Variants in CPT2 observed in about 807,000 individuals in gnomAD.
The protein encoded by CPT2 is carnitine palmitoyltransferase 2.
In CPT2, 37 loss-of-function variants were observed where a neutral mutation model predicts 48.6. That is an observed-to-expected ratio of 0.76 (90% CI 0.59 to 1.00). The LOEUF (loss-of-function observed/expected upper bound fraction) is 1.00, where lower values mean the gene tolerates loss of function less well. CPT2 is among the 50% of genes least tolerant of loss of function. The pLI, the probability that CPT2 is intolerant of heterozygous loss-of-function variation, is 0.00. For missense variants in CPT2, 772 were observed against 825.6 expected, an observed-to-expected ratio of 0.94 and a Z score of 0.80; for synonymous variants, 319 against 326.9, an observed-to-expected ratio of 0.98 and a Z score of 0.26.
chr1:53,211,022 A>AGAG lies in CPT2; in HGVS notation c.1353_1355dup (p.Gly452dup). On this transcript the variant is annotated inframe_insertion, in exon 4 of 5. Coordinates refer to ENST00000371486, the MANE Select transcript of CPT2 (RefSeq NM_000098.3). ...CACTATTGACTGCGTCCAGTTTCAG[A>AGAG]GAGGAGGCAAAGAATTCCTGAAGAA... is the stretch of plus-strand genomic sequence containing the variant. 1 of 1,614,182 alleles carries AGAG rather than the reference A, an allele frequency of 6.2e-7. No individual in the cohort carries two copies. The highest frequency in any genetic ancestry group is 8.5e-7 in the Non-Finnish European group (1 of 1,180,034).
At chr1:53,212,690 G>A (rs968219127) in intron 4 of CPT2, 21 of 401,826 alleles carry the variant, frequency 5.2e-5, no homozygotes, top group Non-Finnish European at 6.6e-5. Flanking sequence ...AGGACCTGGA[G>A]GGTCATAGTT....
At position 53,211,043 on chromosome 1, in the gene CPT2, A is replaced by G. The variant is rs756931329; in HGVS notation, c.1369A>G (p.Lys457Glu). 6.2e-7 allele frequency: 1 copy of G among 1,614,198 alleles called. No homozygotes were observed. Among genetic ancestry groups the G allele is most frequent in the Non-Finnish European group, 8.5e-7 (1 of 1,180,026 alleles). The change falls in exon 4 of 5, where the codon AAG becomes GAG. Residue 457 changes from lysine (K) to glutamate (E), a missense_variant. Coordinates refer to ENST00000371486, the MANE Select transcript of CPT2 (RefSeq NM_000098.3). ...TCAGAGAGGAGGCAAAGAATTCCTGAAGAAGCAAAAGCTGAGCCCTGACGC... is the reference window on the plus strand; with the variant it reads ...TCAGAGAGGAGGCAAAGAATTCCTGGAGAAGCAAAAGCTGAGCCCTGACGC... ...QFQRGGKEFL[K>E]KQKLSPDAVA...
chr1:53,200,916 GAACCTAGTTGTACATCTGC>G (rs1254367286), intron 2 of CPT2, 117 bp downstream of exon 2: 13 of 803,422 alleles, frequency 1.6e-5, no homozygotes, highest in Non-Finnish European at 2.6e-5. Context: ...CAGGAACCCA[GAACCTAGTTGTACATCTGC>G]AAGTTCAGGA....
Position 53,203,785 on chromosome 1 carries a change from T to C in CPT2, c.340+1356T>C, listed in dbSNP as rs1376310843. The C allele has an allele frequency of 6.6e-5, 10 of 151,320 alleles. No individual in the cohort carries two copies. The East Asian group carries it at 1.7e-3, about 26-fold the overall frequency. 9.4% of individuals were successfully genotyped at this position (151,320 alleles called of 1,614,324 possible). On this transcript the variant is annotated intron_variant, in intron 3 of 4. Transcript: ENST00000371486. ...ATTTCTTGGCTTTTTCTTTTTCTTT[T>C]TTTTTTTTTTTAAATCAGAGCACAT...
chr1:53,213,700 G>A lies in CPT2; in HGVS notation c.*105G>A, dbSNP rs1422874426. The A allele has an allele frequency of 1.1e-4, 115 of 1,060,978 alleles. 1 individual carries two copies. The highest frequency in any genetic ancestry group is 7.4e-4 in the South Asian group (55 of 74,292). 65.7% of individuals were successfully genotyped at this position (1,060,978 alleles called of 1,614,324 possible). On this transcript the variant is annotated 3_prime_UTR_variant, in exon 5 of 5. Coordinates refer to ENST00000371486, the MANE Select transcript of CPT2 (RefSeq NM_000098.3). ...TCCCAGCATTTTGAGAGGCTGAGGC[G>A]GGTGGATCACTTGAGGTCAGGAGTT...
At chr1:53,197,203 C>T (rs1174164447) in intron 1 of CPT2, 108 bp downstream of exon 1, 1 of 1,363,592 alleles carries the variant, frequency 7.3e-7, no homozygotes, top group Non-Finnish European at 1.0e-6. Context: ...CGCCCCCAAG[C>T]CCCTACCATG....
At chr1:53,203,018 A>T (rs1645364001) in intron 3 of CPT2, 1 of 157,950 alleles carries the variant, frequency 6.3e-6, no homozygotes, top group South Asian at 1.8e-4. Context: ...AATTTAGTTT[A>T]TATATTTACC....
In CPT2 at chr1:53,200,802, A is replaced by G; in HGVS notation, c.233+3A>G. ...CTCTTGAATGATGGCCAGTTCAGGT[A>G]AACACTGAGAACCTTGGGTGAGCAT... is the stretch of plus-strand genomic sequence containing the variant. On this transcript the variant is annotated splice_donor_region_variant and intron_variant, in intron 2 of 4. Transcript: ENST00000371486. 6.2e-7 allele frequency: 1 copy of G among 1,609,422 alleles called. No homozygotes were observed.
Position 53,211,308 on chromosome 1 carries a change from A to C in CPT2, c.1634A>C (p.Glu545Ala), listed in dbSNP as rs17848485. 8.7e-4 allele frequency: 1,390 copies of C among 1,605,740 alleles called. 4 individuals carry two copies. The highest frequency in any genetic ancestry group is 3.0e-3 in the East Asian group (131 of 44,360). ...AAGTACCATGGCCAGCTGACCAAAG[A>C]AGCAGCAATGGGTGAGGCAGGGGTG... ...CSKYHGQLTKEAAMGQGFDRH... is the reference protein window; with the variant it reads ...CSKYHGQLTKAAAMGQGFDRH... Residue 545 changes from glutamate (E) to alanine (A), a missense_variant, in exon 4 of 5, where the codon GAA (glutamate) becomes GCA (alanine). Transcript: ENST00000371486.
At chr1:53,204,888 A>G (rs1351658477) in intron 3 of CPT2, among the ~76,000 whole-genome samples, 7 of 152,122 alleles carry the variant, frequency 4.6e-5, no homozygotes, top group Non-Finnish European at 8.8e-5. Context: ...TGTGATTGTA[A>G]GTTTCCTGAG....
Position 53,210,925 on chromosome 1 carries a change from C to T in CPT2, c.1251C>T (p.Phe417=), listed in dbSNP as rs576822710. Residue 417 remains phenylalanine, a synonymous_variant, in exon 4 of 5, where the codon TTC becomes TTT. Coordinates refer to ENST00000371486, the MANE Select transcript of CPT2 (RefSeq NM_000098.3). Reference sequence around the variant, plus strand: ...CTGTCACGGTGCAGAAACTCAACTTCGAGCTGACTGATGCCTTAAAGACTG... The same window carrying T: ...CTGTCACGGTGCAGAAACTCAACTTTGAGCTGACTGATGCCTTAAAGACTG... ...DSTVTVQKLN[F]ELTDALKTGI... 36 of 1,614,156 alleles carry T rather than the reference C, an allele frequency of 2.2e-5. No individual in the cohort carries two copies. The highest frequency in any genetic ancestry group is 1.5e-4 in the Admixed American group (9 of 60,024).
chr1:53,196,986 G>C lies in CPT2; in HGVS notation c.43G>C (p.Ala15Pro). Residue 15 changes from alanine (A) to proline (P), a missense_variant, in exon 1 of 5, where the codon GCG (alanine) becomes CCG (proline). Coordinates refer to ENST00000371486, the MANE Select transcript of CPT2 (RefSeq NM_000098.3). ...GCTGCGCGCCTGGCCCCGGGGCCCC[G>C]CGGTTGGTCCGGGAGCCCCCAGTCG... ...LLLRAWPRGP[A>P]VGPGAPSRPL... The C allele has an allele frequency of 6.5e-7, 1 of 1,527,122 alleles. No homozygotes were observed. Among genetic ancestry groups the C allele is most frequent in the Non-Finnish European group, 8.7e-7 (1 of 1,143,212 alleles). 94.6% of individuals were successfully genotyped at this position (1,527,122 alleles called of 1,614,324 possible).
chr1:53,211,133 G>A lies in CPT2; in HGVS notation c.1459G>A (p.Glu487Lys), dbSNP rs778743524. The part of the protein sequence containing the change: ...RQYGQTVATY[E>K]SCSTAAFKHG... ...GTACGGGCAGACAGTGGCCACCTAC[G>A]AGTCCTGTAGCACTGCCGCATTCAA... is the stretch of plus-strand genomic sequence containing the variant. Residue 487 changes from glutamate (E) to lysine (K), a missense_variant, in exon 4 of 5, where the codon GAG becomes AAG. Glu to Lys is a moderately conservative substitution (Grantham distance 56, BLOSUM62 1). Transcript: ENST00000371486. 10 of 1,613,790 alleles carry A rather than the reference G, an allele frequency of 6.2e-6. No individual in the cohort carries two copies. The highest frequency in any genetic ancestry group is 2.2e-5 in the East Asian group (1 of 44,878).
rs566533330 is a variant in CPT2 at position 53,213,483 on chromosome 1, G to A, written c.1865G>A (p.Gly622Asp). The change falls in exon 5 of 5, where the codon GGC (glycine) becomes GAC (aspartate). Residue 622 changes from glycine (G) to aspartate (D), a missense_variant. By Grantham distance (94) the Gly-to-Asp change is moderately conservative (BLOSUM62 -1). Coordinates refer to ENST00000371486, the MANE Select transcript of CPT2 (RefSeq NM_000098.3). Reference protein sequence around the residue: ...VGYAVHDNWIGCNVSSYPGRN... With the variant: ...VGYAVHDNWIDCNVSSYPGRN... ...TATGCTGTTCATGACAACTGGATAGGCTGCAATGTCTCTTCCTACCCAGGC... is the reference window on the plus strand; with the variant it reads ...TATGCTGTTCATGACAACTGGATAGACTGCAATGTCTCTTCCTACCCAGGC... 12 of 1,614,234 alleles carry A rather than the reference G, an allele frequency of 7.4e-6. No individual in the cohort carries two copies. Among genetic ancestry groups the A allele is most frequent in the East Asian group, 2.2e-5 (1 of 44,890 alleles).
intron 4 of CPT2, chr1:53,211,581 CATTA>C (rs1339942953): frequency 1.6e-5 from 8 of 486,178 alleles, no homozygotes; most frequent in East Asian, 3.2e-5. Context: ...AGCTGTGACG[CATTA>C]ATTCTTTTTT....
intron 1 of CPT2, 189 bp from the exon 2 acceptor site, chr1:53,200,530 A>C (rs1645347997): frequency 3.5e-6 from 2 of 572,438 alleles, no homozygotes; most frequent in Admixed American, 5.9e-5. Context: ...TTGTTATTTT[A>C]CTTAAAAGTA....
intron 1 of CPT2, among the ~76,000 whole-genome samples, chr1:53,199,439 C>G (rs1228438841): frequency 2.0e-5 from 3 of 152,340 alleles, no homozygotes; most frequent in African/African-American, 7.2e-5. Flanking sequence ...ATCTGCCTGC[C>G]TCGGCCTCCC....
chr1:53,201,832 C>A (rs1344081661), intron 2 of CPT2: 4 of 167,308 alleles, frequency 2.4e-5, no homozygotes, highest in Non-Finnish European at 5.2e-5. Flanking sequence ...TTTAAAGTTT[C>A]TCTTGATATG....
At chr1:53,208,114 T>A (rs1175609956) in intron 3 of CPT2, 2 of 152,246 alleles carry the variant, frequency 1.3e-5, no homozygotes, top group Admixed American at 6.5e-5. Flanking sequence ...ATTTATGTCT[T>A]CTTTCATCAA....
Sources: allele counts gnomAD v4.1 joint callset (sites outside exome capture counted in the v4.1 genomes callset), GRCh38; gene constraint gnomAD v4.1.1; transcripts MANE v1.5; gene names NCBI Gene and HGNC (gene_info 2026-07-23, HGNC 2026-07-21).